The following ERAP1 variants were observed in gnomAD, a reference collection of about 807,000 sequenced individuals.
ERAP1 encodes endoplasmic reticulum aminopeptidase 1.
ERAP1 carries 86 observed loss-of-function variants against 103.7 expected under a neutral mutation model. That is an observed-to-expected ratio of 0.83 (90% CI 0.70 to 0.99). ERAP1 has a LOEUF of 0.99. ERAP1 is among the 50% of genes least tolerant of loss of function. The pLI is 0.00. For missense variants in ERAP1, 1,009 were observed against 1,128.4 expected (o/e 0.89, Z 1.52); for synonymous variants, 398 against 402.4 (o/e 0.99, Z 0.13).
the ERAP1 span, among the ~76,000 whole-genome samples, chr5:96,862,582 A>G: frequency 6.6e-6 from 1 of 152,214 alleles, no homozygotes; most frequent in Non-Finnish European, 1.5e-5. Flanking sequence ...CTGAAATTAC[A>G]GTGGTTATGA....
the ERAP1 span, among the ~76,000 whole-genome samples, chr5:96,840,135 G>A: frequency 6.6e-6 from 1 of 152,162 alleles, no homozygotes; most frequent in African/African-American, 2.4e-5. Flanking sequence ...CTGAGTAAAT[G>A]CTGCTTTTAA....
chr5:96,889,143 G>C, the ERAP1 span: 1 of 1,609,776 alleles, frequency 6.2e-7, no homozygotes, highest in Non-Finnish European at 8.5e-7. Flanking sequence ...ATTATGCCAG[G>C]GAGCTGTCAT....
chr5:96,795,536 T>C (rs1777258076), intron 4 of ERAP1, among the ~76,000 whole-genome samples: 1 of 152,210 alleles, frequency 6.6e-6, no homozygotes, highest in African/African-American at 2.4e-5. Flanking sequence ...TTGGTTCTTA[T>C]GTCATTGAAG....
chr5:96,880,001 C>T, the ERAP1 span: 8 of 1,614,144 alleles, frequency 5.0e-6, no homozygotes, highest in Non-Finnish European at 5.9e-6. Context: ...CAATGCTACC[C>T]AGTTTATCAT....
chr5:96,880,418 C>T, the ERAP1 span, among the ~76,000 whole-genome samples: 2 of 152,118 alleles, frequency 1.3e-5, no homozygotes, highest in Non-Finnish European at 2.9e-5. Context: ...TTAAGGAAAC[C>T]ACAGTAGAGA....
the ERAP1 span, among the ~76,000 whole-genome samples, chr5:96,854,997 A>T: frequency 6.6e-6 from 1 of 152,178 alleles, no homozygotes; most frequent in African/African-American, 2.4e-5. Flanking sequence ...AATAAGTCAC[A>T]TTTTACACAA....
chr5:96,851,337 C>G, the ERAP1 span, among the ~76,000 whole-genome samples: 2 of 152,158 alleles, frequency 1.3e-5, no homozygotes, highest in Non-Finnish European at 2.9e-5. Context: ...ACTCACATCC[C>G]GTGTCTCCTT....
At chr5:96,822,008 C>T in the ERAP1 span, among the ~76,000 whole-genome samples, 347 of 152,184 alleles carry the variant, frequency 2.3e-3, 3 homozygotes, top group African/African-American at 7.8e-3. Flanking sequence ...ATAAACTATC[C>T]CAAGTGTGAT....
chr5:96,900,198 A>G, the ERAP1 span: 1 of 1,613,506 alleles, frequency 6.2e-7, no homozygotes, highest in Non-Finnish European at 8.5e-7. Flanking sequence ...TGGTAAGGAT[A>G]AAGAGAGTCA....
At chr5:96,840,799 G>A in the ERAP1 span, among the ~76,000 whole-genome samples, 71 of 151,644 alleles carry the variant, frequency 4.7e-4, 3 homozygotes, top group South Asian at 0.014. Context: ...TCCGCCTCCC[G>A]GGTTCAAGCG....
At chr5:96,863,260 T>C in the ERAP1 span, among the ~76,000 whole-genome samples, 1 of 151,980 alleles carries the variant, frequency 6.6e-6, no homozygotes, top group South Asian at 2.1e-4. Context: ...CAATTTGCCC[T>C]CTGTCAGCTG....
chr5:96,899,206 G>A, the ERAP1 span, among the ~76,000 whole-genome samples: 2 of 146,092 alleles, frequency 1.4e-5, no homozygotes. Context: ...CCAAGTCAGT[G>A]AGAAAATCAG....
At chr5:96,808,016 C>T, upstream of ERAP1, 1 of 985,524 alleles carries the variant, frequency 1.0e-6, no homozygotes, top group Non-Finnish European at 1.2e-6. Flanking sequence ...GCGGGGAAGC[C>T]CCTGGCTAAG....
At chr5:96,898,828 C>T in the ERAP1 span, among the ~76,000 whole-genome samples, 1 of 152,152 alleles carries the variant, frequency 6.6e-6, no homozygotes, top group Non-Finnish European at 1.5e-5. Flanking sequence ...GGTCCAGACA[C>T]ACTTTCTCCA....
upstream of ERAP1, chr5:96,807,963 A>C: frequency 1.4e-5 from 14 of 985,764 alleles, no homozygotes; most frequent in South Asian, 6.6e-4. Context: ...GGGGAGCGGC[A>C]GGCTGGCGCT....
the ERAP1 span, among the ~76,000 whole-genome samples, chr5:96,826,944 G>A: frequency 6.6e-6 from 1 of 152,150 alleles, no homozygotes; most frequent in Non-Finnish European, 1.5e-5. Context: ...TTTAGTGCAA[G>A]GAATAGCTAT....
At chr5:96,825,054 A>C in the ERAP1 span, among the ~76,000 whole-genome samples, 1 of 152,082 alleles carries the variant, frequency 6.6e-6, no homozygotes, top group Non-Finnish European at 1.5e-5. Flanking sequence ...AAAATAAATA[A>C]ATTAATTAAT....
the ERAP1 span, among the ~76,000 whole-genome samples, chr5:96,924,176 T>C: frequency 6.6e-6 from 1 of 152,264 alleles, no homozygotes; most frequent in East Asian, 1.9e-4. Flanking sequence ...GTATGTATCC[T>C]GTGTGCTTGT....
the ERAP1 span, among the ~76,000 whole-genome samples, chr5:96,838,524 T>A: frequency 6.6e-6 from 1 of 152,226 alleles, no homozygotes; most frequent in African/African-American, 2.4e-5. Flanking sequence ...ATAGTTCTTG[T>A]ATTGTAACTT....
Sources: allele counts gnomAD v4.1 joint callset (sites outside exome capture counted in the v4.1 genomes callset), GRCh38; gene constraint gnomAD v4.1.1; transcripts MANE v1.5; gene names NCBI Gene and HGNC (gene_info 2026-07-23, HGNC 2026-07-21).